The following CIT variants were observed in gnomAD, a reference collection of about 807,000 sequenced individuals.
The protein encoded by CIT is citron rho-interacting serine/threonine kinase.
In CIT, 79 loss-of-function variants were observed where a neutral mutation model predicts 272.7. That is an observed-to-expected ratio of 0.29 (90% CI 0.24 to 0.35). CIT has a LOEUF of 0.35. Among genes scored for constraint, CIT ranks in the 10% least tolerant of loss-of-function variants. The pLI is 1.00. For missense variants in CIT, 1,909 were observed against 2,618.3 expected, an observed-to-expected ratio of 0.73 and a Z score of 5.91; for synonymous variants, 948 against 995.6, an observed-to-expected ratio of 0.95 and a Z score of 0.90.
At chr12:119,781,857 A>G (rs568667148) in intron 13 of CIT, among the ~76,000 whole-genome samples, 8 of 152,366 alleles carry the variant, frequency 5.3e-5, no homozygotes, top group African/African-American at 1.7e-4. Context: ...TCAAAAACTT[A>G]AAAGTGCATC....
chr12:119,830,777 A>T (rs1968562154), intron 7 of CIT, among the ~76,000 whole-genome samples: 1 of 152,236 alleles, frequency 6.6e-6, no homozygotes, highest in Non-Finnish European at 1.5e-5. Flanking sequence ...TATTCAGATC[A>T]AAATGTCAGT....
intron 19 of CIT, 64 bp downstream of exon 19, chr12:119,767,023 G>A: frequency 8.3e-7 from 1 of 1,210,240 alleles, no homozygotes; most frequent in Non-Finnish European, 1.1e-6. Context: ...AAGGGCCCAG[G>A]AAGAGATGGG....
chr12:119,786,044 T>C (rs1642449386), intron 10 of CIT, among the ~76,000 whole-genome samples: 1 of 152,214 alleles, frequency 6.6e-6, no homozygotes, highest in Admixed American at 6.5e-5. Flanking sequence ...ATTTGAACTC[T>C]TTGTTTTTGT....
At position 119,710,749 on chromosome 12, in the gene CIT, T is replaced by C; in HGVS notation, c.4855-129A>G. 1.1e-6 allele frequency: 1 copy of C among 883,710 alleles called. No individual in the cohort carries two copies. Among genetic ancestry groups the C allele is most frequent in the East Asian group, 2.6e-5 (1 of 38,978 alleles). The allele number at this position is 883,710 out of a possible 1,614,324, so 54.7% of individuals were successfully genotyped here. A position where few individuals can be genotyped will look rare whatever the true frequency, so the allele number is the denominator to read the frequency against. On this transcript the variant is annotated intron_variant, in intron 37 of 47. Transcript: ENST00000392521. The surrounding 1 kb of genome is among the most constrained non-coding windows in gnomAD (Gnocchi z 5.6). ...TCCTGGAAATGCTCAGAAACGCACA[T>C]ATGCTCTTAGCTCAGCCCGTATTTT...
At chr12:119,870,673 G>A (rs1264818993) in intron 2 of CIT, among the ~76,000 whole-genome samples, 1 of 151,310 alleles carries the variant, frequency 6.6e-6, no homozygotes, top group Non-Finnish European at 1.5e-5. Flanking sequence ...ACCAAATCCA[G>A]CCCACGGACT....
intron 5 of CIT, among the ~76,000 whole-genome samples, chr12:119,844,021 CTT>C (rs113598683): frequency 1.6e-4 from 21 of 134,578 alleles, no homozygotes; most frequent in Admixed American, 2.3e-4. Flanking sequence ...GGTACACACA[CTT>C]TTTTTTTTTT....
Position 119,770,123 on chromosome 12 carries a change from A to G in CIT, c.2208+662T>C, listed in dbSNP as rs1962923694. On this transcript the variant is annotated intron_variant, in intron 18 of 47. Transcript: ENST00000392521. This position sits in a 1 kb window ranked among gnomAD's most constrained non-coding sequence, Gnocchi z 4.4. ...CAAAGGTGCTGTCTTCCACCCTGGCAGGGGCAAAACGTCAACACATCTGCA... is the reference window on the plus strand; with the variant it reads ...CAAAGGTGCTGTCTTCCACCCTGGCGGGGGCAAAACGTCAACACATCTGCA... Among the ~76,000 whole-genome samples, 1 of 152,216 alleles carries G rather than the reference A, an allele frequency of 6.6e-6. No individual in the cohort carries two copies. Among genetic ancestry groups the G allele is most frequent in the Non-Finnish European group, 1.5e-5 (1 of 68,044 alleles).
chr12:119,700,542 C>T (rs1416805089), intron 44 of CIT, among the ~76,000 whole-genome samples: 7 of 152,176 alleles, frequency 4.6e-5, no homozygotes, highest in African/African-American at 1.7e-4. Flanking sequence ...GCCACCATGC[C>T]TGGCTAATTT....
At chr12:119,721,996 C>T (rs1224347083) in intron 28 of CIT, among the ~76,000 whole-genome samples, 1 of 152,134 alleles carries the variant, frequency 6.6e-6, no homozygotes, top group Non-Finnish European at 1.5e-5. Context: ...AATCATGAGA[C>T]ATATTTCTAC....
chr12:119,754,691 AAAG>A (rs1960714296), intron 22 of CIT, among the ~76,000 whole-genome samples: 1 of 152,228 alleles, frequency 6.6e-6, no homozygotes, highest in Admixed American at 6.5e-5. Flanking sequence ...CATGTGGCCA[AAAG>A]AAGAGGGACT....
At position 119,708,397 on chromosome 12, in the gene CIT, C is replaced by A; in HGVS notation, c.5072-79G>T. On this transcript the variant is annotated intron_variant, in intron 39 of 47. Transcript: ENST00000392521. ...ACGGGATGGTGGTTCTAGTTCTAGT[C>A]ACAAGTAAAAGTCACAAGAGGCCAC... The A allele has an allele frequency of 2.9e-6, 4 of 1,356,272 alleles. No homozygotes were observed. In the South Asian group the frequency reaches 6.6e-5, roughly 22 times the overall value. The allele number at this position is 1,356,272 out of a possible 1,614,324, so 84.0% of individuals were successfully genotyped here. A position where few individuals can be genotyped will look rare whatever the true frequency, so the allele number is the denominator to read the frequency against.
intron 21 of CIT, among the ~76,000 whole-genome samples, chr12:119,758,153 A>G (rs1485737321): frequency 6.6e-6 from 1 of 152,184 alleles, no homozygotes; most frequent in Non-Finnish European, 1.5e-5. Flanking sequence ...CTCTGGGGGA[A>G]AAGATTCAGC....
In CIT at chr12:119,784,536, C is replaced by A; in HGVS notation, c.1401+424G>T. ...CCAGAGCGTTGCCTCTGGGCAGGAA[C>A]AGTGAATGTTAAGAGACGTTGAGCG... On this transcript the variant is annotated intron_variant, in intron 11 of 47. Transcript: ENST00000392521. This position sits in a 1 kb window ranked among gnomAD's most constrained non-coding sequence, Gnocchi z 4.7. 1 of 1,180,644 alleles carries A rather than the reference C, an allele frequency of 8.5e-7. No individual in the cohort carries two copies. The highest frequency in any genetic ancestry group is 1.1e-6 in the Non-Finnish European group (1 of 942,482). The allele number at this position is 1,180,644 out of a possible 1,614,324, so 73.1% of individuals were successfully genotyped here. A position where few individuals can be genotyped will look rare whatever the true frequency, so the allele number is the denominator to read the frequency against.
chr12:119,694,232 A>C lies in CIT; in HGVS notation c.5882+3427T>G, dbSNP rs1956107121. 6.6e-6 allele frequency among the ~76,000 whole-genome samples: 1 copy of C among 152,118 alleles called. No homozygotes were observed. Among genetic ancestry groups the C allele is most frequent in the African/African-American group, 2.4e-5 (1 of 41,402 alleles). ...AATCCACATCAGCCATCACCCATTC[A>C]CCCACACTTTTCTAGGAATTTATCC... On this transcript the variant is annotated intron_variant, in intron 46 of 47. Coordinates refer to ENST00000392521, the MANE Select transcript of CIT (RefSeq NM_001206999.2). The surrounding 1 kb of genome is among the most constrained non-coding windows in gnomAD (Gnocchi z 4.5).
At chr12:119,850,526 A>G (rs1970153598) in intron 4 of CIT, among the ~76,000 whole-genome samples, 1 of 151,750 alleles carries the variant, frequency 6.6e-6, no homozygotes, top group African/African-American at 2.4e-5. Context: ...GGGGAAGGGA[A>G]GGGAAAGGGA....
intron 4 of CIT, among the ~76,000 whole-genome samples, chr12:119,854,031 A>AT (rs112692831): frequency 1.0e-3 from 150 of 145,844 alleles, no homozygotes; most frequent in Middle Eastern, 3.6e-3. Flanking sequence ...TACATAATTT[A>AT]TTTTTTTTTT....
At chr12:119,811,370 A>G (rs1027013656) in intron 9 of CIT, among the ~76,000 whole-genome samples, 1 of 152,228 alleles carries the variant, frequency 6.6e-6, no homozygotes, top group Non-Finnish European at 1.5e-5. Context: ...ACTTAAATAA[A>G]TCAAAAATTA....
chr12:119,744,775 G>A (rs1335098576), intron 23 of CIT, among the ~76,000 whole-genome samples: 1 of 149,342 alleles, frequency 6.7e-6, no homozygotes, highest in Non-Finnish European at 1.5e-5. Flanking sequence ...GAGCTGTGAT[G>A]TTTTTTCTAA....
intron 5 of CIT, among the ~76,000 whole-genome samples, chr12:119,844,204 T>C (rs1240675337): frequency 3.9e-5 from 6 of 151,988 alleles, no homozygotes; most frequent in African/African-American, 1.4e-4. Flanking sequence ...GTATTCTTAG[T>C]AGAGACGGGG....
Sources: gnomAD v4.1 joint callset for allele counts (sites outside exome capture counted in the v4.1 genomes callset) on GRCh38, gnomAD v4.1.1 for gene constraint, Gnocchi (gnomAD v3.1) non-coding constraint, MANE v1.5 for transcripts, NCBI Gene and HGNC (gene_info 2026-07-23, HGNC 2026-07-21) for gene names.